Variants in LRP1B observed in about 807,000 individuals in gnomAD.
LRP1B encodes low-density lipoprotein receptor-related protein 1B.
LRP1B carries 217 observed loss-of-function variants against 556.6 expected under a neutral mutation model. The ratio of observed to expected loss-of-function variants is 0.39; its 90% CI spans 0.35 to 0.44. LRP1B has a LOEUF of 0.44. Among genes scored for constraint, LRP1B ranks in the 20% least tolerant of loss-of-function variants. The pLI, the probability that LRP1B is intolerant of heterozygous loss-of-function variation, is 1.00. For synonymous variants in LRP1B, 2,047 were observed against 1,865.8 expected, an observed-to-expected ratio of 1.10 and a Z score of -2.50; for missense variants, 5,053 against 5,620.8, an observed-to-expected ratio of 0.90 and a Z score of 3.23.
chr2:141,381,365 GA>G (rs578203777), intron 3 of LRP1B, among the ~76,000 whole-genome samples: 2,277 of 132,818 alleles, frequency 0.017, 53 homozygotes, highest in African/African-American at 0.057. Context: ...AGTCAAAAGA[GA>G]AAAAAAAAAA....
At chr2:141,790,722 A>AT (rs948080479) in intron 2 of LRP1B, among the ~76,000 whole-genome samples, 1 of 152,066 alleles carries the variant, frequency 6.6e-6, no homozygotes, top group Admixed American at 6.6e-5. Flanking sequence ...ACCAGTCCAT[A>AT]TTTTTTTGTT....
intron 1 of LRP1B, among the ~76,000 whole-genome samples, chr2:141,971,053 T>G (rs1302560836): frequency 6.6e-6 from 1 of 151,478 alleles, no homozygotes; most frequent in African/African-American, 2.4e-5. Context: ...GTGCTAGGAT[T>G]AGCAAGCCTT....
At chr2:140,585,710 C>T (rs1378331259) in intron 43 of LRP1B, among the ~76,000 whole-genome samples, 2 of 152,122 alleles carry the variant, frequency 1.3e-5, no homozygotes, top group Non-Finnish European at 2.9e-5. Flanking sequence ...CTCACTTAGA[C>T]ACCTATATTT....
chr2:141,335,471 G>T (rs1165460576), intron 3 of LRP1B, among the ~76,000 whole-genome samples: 2 of 152,154 alleles, frequency 1.3e-5, no homozygotes, highest in African/African-American at 4.8e-5. Context: ...TCACGCTAAG[G>T]ACCTTGTCTG....
At chr2:141,243,926 A>G (rs1683975417) in intron 5 of LRP1B, among the ~76,000 whole-genome samples, 1 of 152,206 alleles carries the variant, frequency 6.6e-6, no homozygotes, top group East Asian at 1.9e-4. Flanking sequence ...TTTCTTAAAG[A>G]TGCTCTTAAG....
intron 41 of LRP1B, among the ~76,000 whole-genome samples, chr2:140,668,203 G>C (rs979066230): frequency 6.6e-6 from 1 of 151,506 alleles, no homozygotes; most frequent in African/African-American, 2.4e-5. Flanking sequence ...CCAGCTGCTG[G>C]GGAGGCTGAG....
chr2:141,383,249 A>G (rs1399131770), intron 3 of LRP1B, among the ~76,000 whole-genome samples: 1 of 152,182 alleles, frequency 6.6e-6, no homozygotes, highest in Non-Finnish European at 1.5e-5. Flanking sequence ...AAACCCTCCT[A>G]TACTGTTGGT....
intron 16 of LRP1B, among the ~76,000 whole-genome samples, chr2:140,992,197 A>T (rs1162850262): frequency 6.6e-6 from 1 of 152,104 alleles, no homozygotes; most frequent in Non-Finnish European, 1.5e-5. Context: ...GGATTTATTT[A>T]AAAAATTGAG....
intron 1 of LRP1B, among the ~76,000 whole-genome samples, chr2:141,811,300 G>C (rs1696346360): frequency 6.6e-6 from 1 of 151,658 alleles, no homozygotes; most frequent in Non-Finnish European, 1.5e-5. Context: ...TTTGTTGTAT[G>C]TATATAAAAA....
At chr2:141,133,239 A>G (rs1049490981) in intron 7 of LRP1B, among the ~76,000 whole-genome samples, 1 of 151,294 alleles carries the variant, frequency 6.6e-6, no homozygotes, top group African/African-American at 2.4e-5. Context: ...TTATTTCCAA[A>G]TTAAATATTT....
At chr2:140,285,845 T>C (rs1045886151) in intron 84 of LRP1B, among the ~76,000 whole-genome samples, 4 of 27,074 alleles carry the variant, frequency 1.5e-4, no homozygotes, top group African/African-American at 2.3e-4. Context: ...GATTCAGTCA[T>C]TACTCTTTCA....
intron 66 of LRP1B, among the ~76,000 whole-genome samples, chr2:140,418,395 T>A (rs1182695220): frequency 6.6e-6 from 1 of 152,186 alleles, no homozygotes; most frequent in Non-Finnish European, 1.5e-5. Flanking sequence ...GCCAGTTGAA[T>A]CGACTTTGTC....
chr2:142,070,809 G>A (rs995977789), intron 1 of LRP1B, among the ~76,000 whole-genome samples: 1 of 151,836 alleles, frequency 6.6e-6, no homozygotes, highest in Admixed American at 6.6e-5. Context: ...CATGTAGTTT[G>A]GAAAGGAAAG....
At chr2:140,675,347 T>G (rs969105810) in intron 41 of LRP1B, among the ~76,000 whole-genome samples, 1 of 152,160 alleles carries the variant, frequency 6.6e-6, no homozygotes, top group African/African-American at 2.4e-5. Flanking sequence ...ATAAATAAAG[T>G]TGCACCCATT....
chr2:141,866,276 C>T (rs1698411644), intron 1 of LRP1B, among the ~76,000 whole-genome samples: 1 of 152,136 alleles, frequency 6.6e-6, no homozygotes, highest in Non-Finnish European at 1.5e-5. Flanking sequence ...GTGAAGACTC[C>T]ACTTGTGGGT....
chr2:141,553,212 G>C (rs1228764280), intron 2 of LRP1B, among the ~76,000 whole-genome samples: 1 of 151,826 alleles, frequency 6.6e-6, no homozygotes, highest in Non-Finnish European at 1.5e-5. Flanking sequence ...AAGAGATAAG[G>C]AAGAGGGCGT....
intron 87 of LRP1B, among the ~76,000 whole-genome samples, chr2:140,245,811 C>T (rs1226126336): frequency 3.3e-5 from 5 of 151,326 alleles, no homozygotes; most frequent in Admixed American, 6.6e-5. Context: ...CCCCAAATCC[C>T]AGTGTCCTAT....
intron 82 of LRP1B, among the ~76,000 whole-genome samples, chr2:140,316,960 C>T (rs984099476): frequency 2.0e-5 from 3 of 152,054 alleles, no homozygotes; most frequent in Non-Finnish European, 2.9e-5. Flanking sequence ...AAGCAAGTAG[C>T]ATTCTTATTC....
At chr2:141,644,155 A>G (rs1368891174) in intron 2 of LRP1B, among the ~76,000 whole-genome samples, 1 of 151,874 alleles carries the variant, frequency 6.6e-6, no homozygotes, top group African/African-American at 2.4e-5. Flanking sequence ...CCTCTCTATT[A>G]GTGATGTGGT....
Sources: gnomAD v4.1 joint callset for allele counts (sites outside exome capture counted in the v4.1 genomes callset) on GRCh38, gnomAD v4.1.1 for gene constraint, MANE v1.5 for transcripts, NCBI Gene and HGNC (gene_info 2026-07-23, HGNC 2026-07-21) for gene names.